PDZD2: variants seen among roughly 807,000 people sequenced by gnomAD.
The protein encoded by PDZD2 is PDZ domain containing 2, also known as PDZ domain-containing protein 2.
A neutral mutation model predicts 220.7 loss-of-function variants in PDZD2; 90 were observed. The ratio of observed to expected loss-of-function variants is 0.41; its 90% CI spans 0.34 to 0.49. The LOEUF is 0.49. PDZD2 is among the 20% of genes least tolerant of loss of function. The probability of loss-of-function intolerance (pLI) is 0.28; values close to 1 mark genes in which losing one functional copy is unlikely to be tolerated. For missense variants in PDZD2, 3,174 were observed against 3,608.5 expected (o/e 0.88, Z 3.08); for synonymous variants, 1,375 against 1,450.5 (o/e 0.95, Z 1.18).
intron 2 of PDZD2, among the ~76,000 whole-genome samples, chr5:31,842,129 C>T (rs1404746304): frequency 3.3e-5 from 5 of 152,176 alleles, no homozygotes; most frequent in Admixed American, 6.5e-5. Flanking sequence ...ACACATATAG[C>T]TTGATAAGCC....
chr5:31,869,289 C>A (rs13177804), intron 2 of PDZD2, among the ~76,000 whole-genome samples: 3,002 of 152,304 alleles, frequency 0.02, 56 homozygotes, highest in South Asian at 0.063. Context: ...TCAGCCCTCA[C>A]CGCTTGGGCT....
chr5:31,671,190 C>T lies in PDZD2; in HGVS notation c.-361+31753C>T, dbSNP rs145210684. 8.1e-3 allele frequency among the ~76,000 whole-genome samples: 1,231 copies of T among 152,218 alleles called. 10 individuals are homozygous for T. Among genetic ancestry groups the T allele is most frequent in the Admixed American group, 0.023 (354 of 15,296 alleles). On this transcript the variant is annotated intron_variant, in intron 1 of 24. Coordinates refer to ENST00000438447, the MANE Select transcript of PDZD2 (RefSeq NM_178140.4). Reference sequence around the variant, plus strand: ...GGATTCACAGAAGTCAGTCACAGTACAGTCAGACAATGGGAAGATAAGTGC... The same window carrying T: ...GGATTCACAGAAGTCAGTCACAGTATAGTCAGACAATGGGAAGATAAGTGC...
rs938871918 is a variant in PDZD2 at position 31,799,087 on chromosome 5, C to T, written c.-162C>T. On this transcript the variant is annotated 5_prime_UTR_variant, in exon 2 of 25. Transcript: ENST00000438447. ...CCTAGCTTCCTCCTGCCAAGGCAAA[C>T]AGCATAGTCTCGAGTAGGTGTCCCT... 3.4e-6 allele frequency: 2 copies of T among 585,108 alleles called. No homozygotes were observed. Among genetic ancestry groups the T allele is most frequent in the Admixed American group, 3.0e-5 (1 of 33,700 alleles). The allele number at this position is 585,108 out of a possible 1,614,324, so 36.2% of individuals were successfully genotyped here. A position where few individuals can be genotyped will look rare whatever the true frequency, so the allele number is the denominator to read the frequency against.
chr5:31,687,316 T>A (rs1481698187), intron 1 of PDZD2, among the ~76,000 whole-genome samples: 1 of 152,180 alleles, frequency 6.6e-6, no homozygotes, highest in Non-Finnish European at 1.5e-5. Context: ...TATCTATTTT[T>A]AAAAAATAAA....
Position 31,646,928 on chromosome 5 carries a change from G to A in PDZD2, c.-361+7491G>A, listed in dbSNP as rs369975010. Among the ~76,000 whole-genome samples the A allele has an allele frequency of 3.3e-5, 5 of 152,288 alleles. No individual in the cohort carries two copies. The East Asian group carries it at 7.7e-4, about 24-fold the overall frequency. On this transcript the variant is annotated intron_variant, in intron 1 of 24. Transcript: ENST00000438447. The surrounding 1 kb of genome is among the most constrained non-coding windows in gnomAD (Gnocchi z 4.7). Reference sequence around the variant, plus strand: ...CCCAAGAGAGAGCAGGCAGTGAGATGGCACAAGGAGAGGAAGGTACTGGAA... The same window carrying A: ...CCCAAGAGAGAGCAGGCAGTGAGATAGCACAAGGAGAGGAAGGTACTGGAA...
intron 2 of PDZD2, among the ~76,000 whole-genome samples, chr5:31,913,646 C>T (rs1743401787): frequency 6.6e-6 from 1 of 152,066 alleles, no homozygotes; most frequent in Non-Finnish European, 1.5e-5. Context: ...TTCTGTCTTT[C>T]TTAGTGTGGT....
chr5:31,793,376 CTT>C (rs1259583009), intron 1 of PDZD2, among the ~76,000 whole-genome samples: 2 of 152,190 alleles, frequency 1.3e-5, no homozygotes, highest in East Asian at 3.9e-4. Context: ...CCAGGCAAGT[CTT>C]TACCCCAGGG....
chr5:31,715,688 C>T (rs1297938471), intron 1 of PDZD2, among the ~76,000 whole-genome samples: 1 of 152,184 alleles, frequency 6.6e-6, no homozygotes, highest in African/African-American at 2.4e-5. Flanking sequence ...TTGCTAAGAA[C>T]AACAGCAGTA....
chr5:31,984,169 T>G (rs1285944558), intron 3 of PDZD2, among the ~76,000 whole-genome samples: 1 of 152,206 alleles, frequency 6.6e-6, no homozygotes, highest in Non-Finnish European at 1.5e-5. Context: ...TTAGTGATGT[T>G]TTCATGGGAT....
At chr5:31,786,515 G>C (rs1753387524) in intron 1 of PDZD2, among the ~76,000 whole-genome samples, 2 of 152,200 alleles carry the variant, frequency 1.3e-5, no homozygotes, top group Non-Finnish European at 2.9e-5. Context: ...CACCCCTGGG[G>C]CTCCTCTCCT....
chr5:31,682,358 G>C (rs1008959454), intron 1 of PDZD2, among the ~76,000 whole-genome samples: 1 of 152,138 alleles, frequency 6.6e-6, no homozygotes, highest in Non-Finnish European at 1.5e-5. Flanking sequence ...CTGTCCCCCG[G>C]GAGAATGTCG....
chr5:31,704,883 GGGTGCGGTGGCTC>G (rs1747746002), intron 1 of PDZD2, among the ~76,000 whole-genome samples: 1 of 152,150 alleles, frequency 6.6e-6, no homozygotes, highest in African/African-American at 2.4e-5. Flanking sequence ...AATATTGGCT[GGGTGCGGTGGCTC>G]ACGCTTATAA....
chr5:31,815,545 G>T (rs1228242504), intron 2 of PDZD2, among the ~76,000 whole-genome samples: 1 of 152,180 alleles, frequency 6.6e-6, no homozygotes, highest in African/African-American at 2.4e-5. Context: ...CAAAGAGTCT[G>T]TTTTGTCTGT....
At chr5:31,691,852 A>G (rs1747147264) in intron 1 of PDZD2, among the ~76,000 whole-genome samples, 1 of 152,200 alleles carries the variant, frequency 6.6e-6, no homozygotes, top group Non-Finnish European at 1.5e-5. Context: ...ACAAACCTTG[A>G]GCTAGATACA....
At chr5:31,791,764 C>T (rs1346448690) in intron 1 of PDZD2, among the ~76,000 whole-genome samples, 1 of 152,138 alleles carries the variant, frequency 6.6e-6, no homozygotes. Flanking sequence ...CTAGGGTCAA[C>T]ACTTTCCAGT....
intron 1 of PDZD2, among the ~76,000 whole-genome samples, chr5:31,735,921 CG>C (rs1749832643): frequency 6.6e-6 from 1 of 151,904 alleles, no homozygotes; most frequent in Non-Finnish European, 1.5e-5. Context: ...CTCCAGCCTG[CG>C]GGATAGAGTG....
At chr5:31,697,066 A>G (rs1430234932) in intron 1 of PDZD2, among the ~76,000 whole-genome samples, 2 of 152,222 alleles carry the variant, frequency 1.3e-5, no homozygotes, top group Non-Finnish European at 2.9e-5. Context: ...GCCTGCTCTC[A>G]GCCTGAGAAA....
chr5:32,055,453 T>C (rs928369731), intron 10 of PDZD2, among the ~76,000 whole-genome samples: 8 of 152,152 alleles, frequency 5.3e-5, no homozygotes, highest in African/African-American at 1.7e-4. Flanking sequence ...CACCTCTGCC[T>C]CCCAAAGTGC....
chr5:31,922,695 G>A (rs1158937562), intron 2 of PDZD2, among the ~76,000 whole-genome samples: 1 of 152,038 alleles, frequency 6.6e-6, no homozygotes, highest in Non-Finnish European at 1.5e-5. Flanking sequence ...TTGAGATGGA[G>A]TCTTACTCTG....
Sources: allele counts gnomAD v4.1 joint callset (sites outside exome capture counted in the v4.1 genomes callset), GRCh38; gene constraint gnomAD v4.1.1; non-coding constraint Gnocchi (gnomAD v3.1); transcripts MANE v1.5; gene names NCBI Gene and HGNC (gene_info 2026-07-23, HGNC 2026-07-21).